The following CCDC38 variants were observed in gnomAD, a reference collection of about 807,000 sequenced individuals.
CCDC38 encodes coiled-coil domain-containing protein 38.
In CCDC38, 69 loss-of-function variants were observed where a neutral mutation model predicts 72.8. That is an observed-to-expected ratio of 0.95 (90% confidence interval 0.78 to 1.16). CCDC38 has a LOEUF of 1.16. Ranked by LOEUF, CCDC38 falls within the 50% of genes most tolerant of loss-of-function variation. The pLI is 0.00. For missense variants in CCDC38, 626 were observed against 638.9 expected (o/e 0.98, Z 0.22); for synonymous variants, 201 against 213.2 (o/e 0.94, Z 0.50).
intron 10 of CCDC38, among the ~76,000 whole-genome samples, chr12:95,882,900 C>T (rs2079716845): frequency 6.6e-6 from 1 of 152,194 alleles, no homozygotes; most frequent in Admixed American, 6.5e-5. Context: ...AATGAACATC[C>T]AAAATCACAC....
rs138658846 is a variant in CCDC38, at chr12:95,886,665, A to G, written c.920+1793T>C. Among the ~76,000 whole-genome samples the G allele has an allele frequency of 4.1e-3, 625 of 152,364 alleles. 3 individuals carry two copies. Among genetic ancestry groups the G allele is most frequent in the African/African-American group, 0.014 (589 of 41,580 alleles). ...GAAAGTGAGCAAAAGACATGAATAG[A>G]TATTTCATCAGAGGATATAAAGATG... On this transcript the variant is annotated intron_variant, in intron 10 of 15. Transcript: ENST00000344280.
chr12:95,892,930 C>G (rs921197912), intron 8 of CCDC38, among the ~76,000 whole-genome samples: 2 of 152,068 alleles, frequency 1.3e-5, no homozygotes, highest in African/African-American at 4.8e-5. Context: ...GACCCAATGC[C>G]AGTACATGAC....
At chr12:95,886,253 C>T (rs1458550782) in intron 10 of CCDC38, among the ~76,000 whole-genome samples, 1 of 152,126 alleles carries the variant, frequency 6.6e-6, no homozygotes, top group Non-Finnish European at 1.5e-5. Context: ...GAGCAATTGA[C>T]ATACACAGGC....
intron 2 of CCDC38, among the ~76,000 whole-genome samples, chr12:95,926,973 A>G (rs1002166427): frequency 2.6e-5 from 4 of 152,080 alleles, no homozygotes; most frequent in East Asian, 1.9e-4. Context: ...TATGTGGTCA[A>G]TTTTGGAACA....
intron 3 of CCDC38, among the ~76,000 whole-genome samples, chr12:95,918,346 T>G (rs2080168498): frequency 6.6e-6 from 1 of 152,210 alleles, no homozygotes; most frequent in African/African-American, 2.4e-5. Flanking sequence ...CTTATCCATA[T>G]CTGATTCTTG....
At position 95,879,799 on chromosome 12, in the gene CCDC38, A is replaced by C; in HGVS notation, c.991-4T>G. On this transcript the variant is annotated splice_polypyrimidine_tract_variant and splice_region_variant and intron_variant, in intron 11 of 15. Transcript: ENST00000344280. This position sits in a 1 kb window ranked among gnomAD's most constrained non-coding sequence, Gnocchi z 5.5. ...CCTTGAAATAAAGTGCTGGCTCCTA[A>C]TTAATCAATAATGAAGAATATAATT... 1 of 1,587,866 alleles carries C rather than the reference A, an allele frequency of 6.3e-7. No homozygotes were observed.
intron 2 of CCDC38, among the ~76,000 whole-genome samples, chr12:95,930,993 T>C (rs1051104918): frequency 6.6e-6 from 1 of 152,228 alleles, no homozygotes; most frequent in Admixed American, 6.5e-5. Flanking sequence ...GAGAGAAGGC[T>C]TTCTCTTCTC....
At chr12:95,881,254 A>G (rs1336349060) in intron 11 of CCDC38, among the ~76,000 whole-genome samples, 1 of 149,212 alleles carries the variant, frequency 6.7e-6, no homozygotes, top group Non-Finnish European at 1.5e-5. Context: ...ATATATATAT[A>G]AAATATATAT....
At chr12:95,907,365 G>A (rs1196189368) in intron 4 of CCDC38, among the ~76,000 whole-genome samples, 49 of 139,626 alleles carry the variant, frequency 3.5e-4, no homozygotes, top group South Asian at 1.7e-3. Context: ...GGTGGTGGCC[G>A]GGCAGAGGGG....
intron 4 of CCDC38, among the ~76,000 whole-genome samples, chr12:95,910,157 G>T (rs1289403440): frequency 6.6e-6 from 1 of 152,136 alleles, no homozygotes; most frequent in Non-Finnish European, 1.5e-5. Flanking sequence ...AAACCCCAAA[G>T]ACTCCACCAA....
At chr12:95,875,118 C>G (rs1190411577) in intron 13 of CCDC38, among the ~76,000 whole-genome samples, 1 of 152,108 alleles carries the variant, frequency 6.6e-6, no homozygotes, top group African/African-American at 2.4e-5. Flanking sequence ...GGGAAAGAAG[C>G]CAGACATGTT....
chr12:95,937,839 G>A (rs914783858), intron 1 of CCDC38, among the ~76,000 whole-genome samples: 7 of 152,114 alleles, frequency 4.6e-5, no homozygotes, highest in Non-Finnish European at 8.8e-5. Flanking sequence ...TCTACGTGTG[G>A]GGGACAGGGC....
chr12:95,922,517 G>C (rs1324680415), intron 2 of CCDC38, among the ~76,000 whole-genome samples: 2 of 152,186 alleles, frequency 1.3e-5, no homozygotes, highest in Non-Finnish European at 2.9e-5. Context: ...TTTCATGGCT[G>C]ACAGTGCAGT....
At chr12:95,888,400 G>A in intron 10 of CCDC38, 58 bp downstream of exon 10, 1 of 1,475,594 alleles carries the variant, frequency 6.8e-7, no homozygotes. Flanking sequence ...GGCTTTAAAA[G>A]TTATTTGCTG....
chr12:95,908,117 G>A (rs1023771636), intron 4 of CCDC38, among the ~76,000 whole-genome samples: 6 of 151,916 alleles, frequency 3.9e-5, no homozygotes, highest in Non-Finnish European at 5.9e-5. Context: ...AGGCTGCCGG[G>A]AGGTGGATGT....
intron 2 of CCDC38, chr12:95,934,121 T>A (rs2136743073): frequency 6.6e-6 from 1 of 152,190 alleles, no homozygotes; most frequent in Non-Finnish European, 1.5e-5. Context: ...TTTTAAAAGT[T>A]AAAACTAAAA....
In CCDC38 at chr12:95,872,437, A is replaced by G. The variant is rs546781954; in HGVS notation, c.1302T>C (p.Ser434=). ...DAQEILIDSL[S]KKITQVYKVC... Reference sequence around the variant, plus strand: ...CTTTGTATACTTGAGTAATCTTTTTACTAAGTGAGTCTATCAGTATTTCCT... The same window carrying G: ...CTTTGTATACTTGAGTAATCTTTTTGCTAAGTGAGTCTATCAGTATTTCCT... The change falls in exon 14 of 16, where the codon AGT becomes AGC. Residue 434 remains serine, a synonymous_variant. Coordinates refer to ENST00000344280, the MANE Select transcript of CCDC38 (RefSeq NM_182496.3). 15 of 1,613,572 alleles carry G rather than the reference A, an allele frequency of 9.3e-6. 1 individual carries two copies. The South Asian group carries it at 1.6e-4, about 18-fold the overall frequency.
In CCDC38 at chr12:95,917,056, C is replaced by T. The variant is rs2080151815; in HGVS notation, c.304+73G>A. 8 of 1,278,012 alleles carry T rather than the reference C, an allele frequency of 6.3e-6. No homozygotes were observed. In the South Asian group the frequency reaches 1.1e-4, roughly 18 times the overall value. The allele number at this position is 1,278,012 out of a possible 1,614,324, so 79.2% of individuals were successfully genotyped here. ...CATACTGTCTGTTTTAATCACCCTCCAACAAAGCTCCCAAACCTGACATTA... is the reference window on the plus strand; with the variant it reads ...CATACTGTCTGTTTTAATCACCCTCTAACAAAGCTCCCAAACCTGACATTA... On this transcript the variant is annotated intron_variant, in intron 4 of 15. Transcript: ENST00000344280.
chr12:95,893,902 T>G (rs2079857721), intron 8 of CCDC38, among the ~76,000 whole-genome samples: 1 of 151,912 alleles, frequency 6.6e-6, no homozygotes, highest in African/African-American at 2.4e-5. Context: ...TAAAAATATG[T>G]TAATATATAA....
Sources: gnomAD v4.1 joint callset for allele counts (sites outside exome capture counted in the v4.1 genomes callset) on GRCh38, gnomAD v4.1.1 for gene constraint, Gnocchi (gnomAD v3.1) non-coding constraint, MANE v1.5 for transcripts, NCBI Gene and HGNC (gene_info 2026-07-23, HGNC 2026-07-21) for gene names.